CKAP5: variants seen among roughly 807,000 people sequenced by gnomAD.
The protein encoded by CKAP5 is cytoskeleton associated protein 5, also known as cytoskeleton-associated protein 5.
Under a neutral mutation model 232.8 loss-of-function variants are expected in CKAP5, and 27 were observed. The observed-to-expected ratio is 0.12, with a 90% CI of 0.09 to 0.16. The LOEUF (loss-of-function observed/expected upper bound fraction) is 0.16. Ranked by LOEUF, CKAP5 falls within the 10% of genes least tolerant of loss-of-function variation. CKAP5 has a pLI of 1.00. For missense variants in CKAP5, 1,838 were observed against 2,424.7 expected, an observed-to-expected ratio of 0.76 and a Z score of 5.08; for synonymous variants, 785 against 841.1, an observed-to-expected ratio of 0.93 and a Z score of 1.16.
At chr11:46,770,749 AT>A (rs778270441) in intron 25 of CKAP5, 38 bp downstream of exon 25, 2 of 1,579,970 alleles carry the variant, frequency 1.3e-6, no homozygotes, top group Non-Finnish European at 1.7e-6. Context: ...ATATTTTTTA[AT>A]AGCTTTTAAC....
At chr11:46,832,007 G>A (rs908191487) in intron 1 of CKAP5, among the ~76,000 whole-genome samples, 3 of 151,614 alleles carry the variant, frequency 2.0e-5, no homozygotes, top group Non-Finnish European at 4.4e-5. Flanking sequence ...TGGGACCACA[G>A]GTGTTTGCCA....
chr11:46,769,023 A>G lies in CKAP5; in HGVS notation c.3322+940T>C, dbSNP rs191847423. ...CAACCTCTGCCTCCCGGATTCAAGC[A>G]ATTCTCCTGCCTCAGCCTCCTGAGT... is the stretch of plus-strand genomic sequence containing the variant. On this transcript the variant is annotated intron_variant, in intron 26 of 43. Transcript: ENST00000529230. Among the ~76,000 whole-genome samples, 421 of 151,482 alleles carry G rather than the reference A, an allele frequency of 2.8e-3. 2 individuals are homozygous for G. The highest frequency in any genetic ancestry group is 9.7e-3 in the African/African-American group (399 of 41,298).
chr11:46,818,163 A>T, intron 3 of CKAP5, 147 bp downstream of exon 3: 1 of 528,264 alleles, frequency 1.9e-6, no homozygotes, highest in Non-Finnish European at 3.1e-6. Context: ...TAAAGACTGA[A>T]TGAAAAACAA....
At chr11:46,752,462 C>T (rs79911337) in intron 38 of CKAP5, among the ~76,000 whole-genome samples, 173 bp downstream of exon 38, 2,903 of 151,444 alleles carry the variant, frequency 0.019, 98 homozygotes, top group African/African-American at 0.067. Context: ...GCCACTGCAC[C>T]TGGCTAAATT....
intron 8 of CKAP5, among the ~76,000 whole-genome samples, chr11:46,805,824 C>T (rs983264331): frequency 6.6e-5 from 10 of 152,138 alleles, no homozygotes; most frequent in African/African-American, 2.4e-4. Flanking sequence ...TAAATCCCAG[C>T]TATTTGGGAG....
intron 3 of CKAP5, among the ~76,000 whole-genome samples, chr11:46,818,055 G>GA (rs536327403): frequency 5.9e-5 from 9 of 152,116 alleles, no homozygotes; most frequent in African/African-American, 2.2e-4. Flanking sequence ...AGCTTAAAAG[G>GA]AAAACCACTT....
intron 1 of CKAP5, among the ~76,000 whole-genome samples, chr11:46,843,150 G>A (rs1171314422): frequency 6.6e-6 from 1 of 151,848 alleles, no homozygotes; most frequent in Non-Finnish European, 1.5e-5. Flanking sequence ...AAACAAGTTT[G>A]CTATATTTAC....
chr11:46,831,695 T>C (rs1432903560), intron 1 of CKAP5, among the ~76,000 whole-genome samples: 3 of 151,850 alleles, frequency 2.0e-5, no homozygotes, highest in African/African-American at 7.3e-5. Flanking sequence ...CACATCTGTC[T>C]AATTTTTAAA....
chr11:46,806,393 T>A (rs1402708384), intron 8 of CKAP5, among the ~76,000 whole-genome samples: 4 of 152,164 alleles, frequency 2.6e-5, no homozygotes, highest in Non-Finnish European at 5.9e-5. Flanking sequence ...GCAATAAGAT[T>A]TCTAATTAAT....
Position 46,783,372 on chromosome 11 carries a change from A to T in CKAP5, c.2155-4T>A. ...GTGAGAAAGCCATTGACACAACCTG[A>T]AAAGGGAAAAACAGCAGATCTGTGT... On this transcript the variant is annotated splice_region_variant and splice_polypyrimidine_tract_variant and intron_variant, in intron 17 of 43. Coordinates refer to ENST00000529230, the MANE Select transcript of CKAP5 (RefSeq NM_001008938.4). 1.9e-6 allele frequency: 3 copies of T among 1,574,586 alleles called. No homozygotes were observed. The highest frequency in any genetic ancestry group is 2.6e-6 in the Non-Finnish European group (3 of 1,146,834).
At position 46,761,855 on chromosome 11, in the gene CKAP5, C is replaced by A. The variant is rs78890072; in HGVS notation, c.4221+145G>T. On this transcript the variant is annotated intron_variant, in intron 32 of 43. Transcript: ENST00000529230. ...AATCAGAGACACCTCAAGGGTCTATCTGGATTCTAGGACACATTGATAGGT... is the reference window on the plus strand; with the variant it reads ...AATCAGAGACACCTCAAGGGTCTATATGGATTCTAGGACACATTGATAGGT... 1,024 of 591,508 alleles carry A rather than the reference C, an allele frequency of 1.7e-3. 4 individuals are homozygous for A. In the African/African-American group the frequency reaches 0.017, roughly 10 times the overall value. 36.6% of individuals were successfully genotyped at this position (591,508 alleles called of 1,614,324 possible). A position where few individuals can be genotyped will look rare whatever the true frequency, so the allele number is the denominator to read the frequency against.
intron 4 of CKAP5, among the ~76,000 whole-genome samples, chr11:46,812,088 T>C (rs1207023360): frequency 6.6e-6 from 1 of 152,100 alleles, no homozygotes; most frequent in Non-Finnish European, 1.5e-5. Context: ...TCCCGGCACT[T>C]TGGGAGGCTG....
chr11:46,804,343 G>C (rs147072669), intron 8 of CKAP5, among the ~76,000 whole-genome samples: 208 of 152,334 alleles, frequency 1.4e-3, no homozygotes, highest in African/African-American at 4.9e-3. Context: ...GGAAATGAGA[G>C]TAGGGAAGAT....
rs766323566 is a variant in CKAP5 at position 46,744,301 on chromosome 11, G to A, written c.5857-36C>T. ...AAGGAGAGAGATTGTCTAAGGTCAG[G>A]TCAAGCAGGTCAAGATGCAGCTCCA... On this transcript the variant is annotated intron_variant, in intron 43 of 43. Transcript: ENST00000529230. 1.2e-5 allele frequency: 19 copies of A among 1,613,396 alleles called. No individual in the cohort carries two copies. In the East Asian group the frequency reaches 2.5e-4, roughly 21 times the overall value.
chr11:46,816,522 T>C, intron 3 of CKAP5, 118 bp from the exon 4 acceptor site: 1 of 704,622 alleles, frequency 1.4e-6, no homozygotes, highest in East Asian at 2.6e-5. Context: ...AATGAGTCTT[T>C]AATTTTTAAA....
In CKAP5 at chr11:46,750,227, A is replaced by T. The variant is rs372134801; in HGVS notation, c.5704+47T>A. ...AACCAAAACTTCAGGTTCCTGTGCTAGGAGCTATTTTGAGCTTATTCCTGG... is the reference window on the plus strand; with the variant it reads ...AACCAAAACTTCAGGTTCCTGTGCTTGGAGCTATTTTGAGCTTATTCCTGG... On this transcript the variant is annotated intron_variant, in intron 42 of 43. Transcript: ENST00000529230. 10 of 1,547,132 alleles carry T rather than the reference A, an allele frequency of 6.5e-6. No homozygotes were observed. The African/African-American group carries it at 1.4e-4, about 21-fold the overall frequency.
chr11:46,748,795 A>G (rs564223653), intron 42 of CKAP5, among the ~76,000 whole-genome samples: 52 of 151,806 alleles, frequency 3.4e-4, no homozygotes, highest in African/African-American at 1.2e-3. Flanking sequence ...ACAAAAGTCA[A>G]TGGATCAGGC....
Position 46,838,602 on chromosome 11 carries a change from A to G in CKAP5, c.-38+7618T>C, listed in dbSNP as rs191992615. 2.6e-3 allele frequency among the ~76,000 whole-genome samples: 352 copies of G among 134,768 alleles called. 2 individuals are homozygous for G. Among genetic ancestry groups the G allele is most frequent in the African/African-American group, 9.3e-3 (332 of 35,536 alleles). 88.4% of individuals were successfully genotyped at this position (134,768 alleles called of 152,430 possible). On this transcript the variant is annotated intron_variant, in intron 1 of 43. Transcript: ENST00000529230. ...TCAAGACCATCCTGGGCAACATAGTAATACCTTGCCTCTTCAAAAAAAAAA... is the reference window on the plus strand; with the variant it reads ...TCAAGACCATCCTGGGCAACATAGTGATACCTTGCCTCTTCAAAAAAAAAA...
In CKAP5 at chr11:46,743,995, T is replaced by C; in HGVS notation, c.*28A>G. ...GACTTCTAGTTTAGTAAACTAAAGC[T>C]GCAGGGTGCCGGGGGAGTGGGGCAG... is the stretch of plus-strand genomic sequence containing the variant. On this transcript the variant is annotated 3_prime_UTR_variant, in exon 44 of 44. Transcript: ENST00000529230. 6.2e-7 allele frequency: 1 copy of C among 1,611,944 alleles called. No individual in the cohort carries two copies. Among genetic ancestry groups the C allele is most frequent in the Non-Finnish European group, 8.5e-7 (1 of 1,179,894 alleles).
Sources: allele counts gnomAD v4.1 joint callset (sites outside exome capture counted in the v4.1 genomes callset), GRCh38; gene constraint gnomAD v4.1.1; transcripts MANE v1.5; gene names NCBI Gene and HGNC (gene_info 2026-07-23, HGNC 2026-07-21).